The following PDGFC variants were observed in gnomAD, a reference collection of about 807,000 sequenced individuals.
PDGFC encodes the protein platelet-derived growth factor C.
Under a neutral mutation model 35.5 loss-of-function variants are expected in PDGFC, and 12 were observed. That is an observed-to-expected ratio of 0.34 (90% CI 0.22 to 0.55). PDGFC has a LOEUF of 0.55. Among genes scored for constraint, PDGFC ranks in the 20% least tolerant of loss-of-function variants. The pLI is 0.91. For missense variants in PDGFC, 322 were observed against 412.4 expected, an observed-to-expected ratio of 0.78 and a Z score of 1.90; for synonymous variants, 159 against 148.8, an observed-to-expected ratio of 1.07 and a Z score of -0.50.
chr4:156,821,195 ATGTGTG>A (rs3067736), intron 2 of PDGFC, among the ~76,000 whole-genome samples: 4 of 126,238 alleles, frequency 3.2e-5, no homozygotes, highest in South Asian at 2.3e-4. Flanking sequence ...GTGTGTGTGT[ATGTGTG>A]TGTGTGTGTG....
At chr4:156,931,324 T>C (rs1047878555) in intron 1 of PDGFC, among the ~76,000 whole-genome samples, 1 of 152,166 alleles carries the variant, frequency 6.6e-6, no homozygotes, top group Non-Finnish European at 1.5e-5. Context: ...TAAGAGTGCC[T>C]CCAAGCTACA....
At chr4:156,806,783 C>A (rs980362881) in intron 3 of PDGFC, among the ~76,000 whole-genome samples, 3 of 151,858 alleles carry the variant, frequency 2.0e-5, no homozygotes, top group Admixed American at 6.6e-5. Flanking sequence ...TTTTAGGTTT[C>A]TTATCATTTT....
chr4:156,762,300 T>G lies in PDGFC; in HGVS notation c.*790A>C, dbSNP rs575938532. On this transcript the variant is annotated 3_prime_UTR_variant, in exon 6 of 6. Transcript: ENST00000502773. The stretch of plus-strand genomic sequence containing the variant: ...GTCATAAAAAAGAATATTAAATACC[T>G]TTGGTAAAAATAGATATATTTAACA... The G allele has an allele frequency of 6.5e-6, 1 of 152,674 alleles. No homozygotes were observed. Among genetic ancestry groups the G allele is most frequent in the African/African-American group, 2.4e-5 (1 of 41,548 alleles). The allele number at this position is 152,674 out of a possible 1,614,324, so 9.5% of individuals were successfully genotyped here.
chr4:156,818,584 G>A (rs1193429499), intron 2 of PDGFC, among the ~76,000 whole-genome samples: 2 of 141,316 alleles, frequency 1.4e-5, no homozygotes, highest in East Asian at 2.4e-4. Context: ...GCAGTGGCGC[G>A]ATCTTGGCTC....
At chr4:156,951,840 C>T (rs1035943748) in intron 1 of PDGFC, among the ~76,000 whole-genome samples, 1 of 151,582 alleles carries the variant, frequency 6.6e-6, no homozygotes, top group Non-Finnish European at 1.5e-5. Flanking sequence ...CTCCAATATG[C>T]TCCACATACA....
intron 1 of PDGFC, among the ~76,000 whole-genome samples, chr4:156,955,501 T>C (rs1201089499): frequency 1.3e-5 from 2 of 152,022 alleles, no homozygotes; most frequent in Admixed American, 6.6e-5. Context: ...TTTTATTTGG[T>C]AAACATTCAG....
intron 2 of PDGFC, among the ~76,000 whole-genome samples, chr4:156,826,819 C>T (rs887190237): frequency 1.3e-5 from 2 of 151,952 alleles, no homozygotes; most frequent in Non-Finnish European, 2.9e-5. Context: ...GCAGCATAAG[C>T]CATTTTAATT....
rs374916421 is a variant in PDGFC at position 156,886,328 on chromosome 4, C to T, written c.119-35912G>A. Reference sequence around the variant, plus strand: ...CTCTCTTGCAATAAGTGCAGTATTCCTAAAAGACCAAAAGGTTAACTGCTA... The same window carrying T: ...CTCTCTTGCAATAAGTGCAGTATTCTTAAAAGACCAAAAGGTTAACTGCTA... On this transcript the variant is annotated intron_variant, in intron 1 of 5. Coordinates refer to ENST00000502773, the MANE Select transcript of PDGFC (RefSeq NM_016205.3). Among the ~76,000 whole-genome samples, 244 of 152,196 alleles carry T rather than the reference C, an allele frequency of 1.6e-3. 4 individuals are homozygous for T. The South Asian group carries it at 0.017, about 11-fold the overall frequency.
At chr4:156,877,505 T>C (rs116191488) in intron 1 of PDGFC, among the ~76,000 whole-genome samples, 2,244 of 152,278 alleles carry the variant, frequency 0.015, 21 homozygotes, top group South Asian at 0.018. Context: ...AAATTCTTTC[T>C]TCTTTACCGA....
intron 3 of PDGFC, among the ~76,000 whole-genome samples, chr4:156,801,328 C>T (rs1241083202): frequency 6.6e-6 from 1 of 152,152 alleles, no homozygotes; most frequent in Non-Finnish European, 1.5e-5. Context: ...AATAATAAAG[C>T]TCCAGCCTCC....
At chr4:156,881,919 T>C (rs1730253567) in intron 1 of PDGFC, among the ~76,000 whole-genome samples, 1 of 151,880 alleles carries the variant, frequency 6.6e-6, no homozygotes, top group Non-Finnish European at 1.5e-5. Flanking sequence ...TTACTCCTGC[T>C]TGCCTTCTGC....
intron 3 of PDGFC, among the ~76,000 whole-genome samples, chr4:156,775,991 GC>G (rs1166833363): frequency 2.6e-5 from 4 of 152,066 alleles, no homozygotes; most frequent in African/African-American, 9.7e-5. Flanking sequence ...CTATTTAAGG[GC>G]CTTCTCATGA....
At chr4:156,780,357 A>G (rs946662363) in intron 3 of PDGFC, among the ~76,000 whole-genome samples, 5 of 152,116 alleles carry the variant, frequency 3.3e-5, no homozygotes, top group African/African-American at 1.2e-4. Context: ...TGGAAGAAAA[A>G]CACACCTTCA....
At chr4:156,813,763 C>T (rs981105065) in intron 2 of PDGFC, among the ~76,000 whole-genome samples, 1 of 151,774 alleles carries the variant, frequency 6.6e-6, no homozygotes, top group Admixed American at 6.6e-5. Flanking sequence ...CCAATGGGCT[C>T]GATGTCTCTT....
At chr4:156,865,064 G>C (rs965700938) in intron 1 of PDGFC, among the ~76,000 whole-genome samples, 3 of 151,966 alleles carry the variant, frequency 2.0e-5, no homozygotes, top group African/African-American at 7.2e-5. Flanking sequence ...ACCCCAAGAA[G>C]CCATCTACAA....
At chr4:156,875,358 G>A (rs557602581) in intron 1 of PDGFC, among the ~76,000 whole-genome samples, 1 of 152,244 alleles carries the variant, frequency 6.6e-6, no homozygotes, top group African/African-American at 2.4e-5. Context: ...GCTAGCCACT[G>A]AGAACTGGGC....
rs897696804 is a variant in PDGFC at position 156,971,360 on chromosome 4, A to G, written c.-457T>C. On this transcript the variant is annotated 5_prime_UTR_variant, in exon 1 of 6. Coordinates refer to ENST00000502773, the MANE Select transcript of PDGFC (RefSeq NM_016205.3). ...GTCGGCGGCGAGCAGTTTCTGATCA[A>G]TAACAAAGCTGCCAATAGATGCGGC... 1.9e-4 allele frequency: 74 copies of G among 398,222 alleles called. No individual in the cohort carries two copies. Among genetic ancestry groups the G allele is most frequent in the South Asian group, 5.1e-4 (4 of 7,864 alleles). 24.7% of individuals were successfully genotyped at this position (398,222 alleles called of 1,614,324 possible).
At chr4:156,830,546 C>T (rs1728901960) in intron 2 of PDGFC, among the ~76,000 whole-genome samples, 1 of 151,920 alleles carries the variant, frequency 6.6e-6, no homozygotes, top group Non-Finnish European at 1.5e-5. Flanking sequence ...TCAACCTGGG[C>T]GAGACAGTAT....
chr4:156,828,252 G>A (rs978153346), intron 2 of PDGFC, among the ~76,000 whole-genome samples: 6 of 152,156 alleles, frequency 3.9e-5, no homozygotes, highest in African/African-American at 4.8e-5. Flanking sequence ...AAAGGTCACC[G>A]TTTAGAACAC....
Sources: gnomAD v4.1 joint callset for allele counts (sites outside exome capture counted in the v4.1 genomes callset) on GRCh38, gnomAD v4.1.1 for gene constraint, MANE v1.5 for transcripts, NCBI Gene and HGNC (gene_info 2026-07-23, HGNC 2026-07-21) for gene names.